The following MTUS1 variants were observed in gnomAD, a reference collection of about 807,000 sequenced individuals.
The protein encoded by MTUS1 is microtubule-associated tumor suppressor 1.
Under a neutral mutation model 120.8 loss-of-function variants are expected in MTUS1, and 109 were observed. The observed-to-expected ratio is 0.90, with a 90% CI of 0.77 to 1.06. MTUS1 has a LOEUF of 1.06. MTUS1 is among the 50% of genes least tolerant of loss of function. The pLI is 0.00. For synonymous variants in MTUS1, 737 were observed against 550.5 expected (o/e 1.34, Z -4.74); for missense variants, 2,210 against 1,486.3 (o/e 1.49, Z -8.01).
At chr8:17,788,353 T>G (rs920730367) in intron 1 of MTUS1, among the ~76,000 whole-genome samples, 3 of 152,228 alleles carry the variant, frequency 2.0e-5, no homozygotes, top group Non-Finnish European at 4.4e-5. Flanking sequence ...CTACAGATTT[T>G]TTCCGCATTC....
intron 13 of MTUS1, among the ~76,000 whole-genome samples, chr8:17,648,891 C>G (rs1806389257): frequency 6.6e-6 from 1 of 152,246 alleles, no homozygotes; most frequent in Admixed American, 6.5e-5. Flanking sequence ...ATCACTTAAG[C>G]TGCCTTGCCA....
rs377134697 is a variant in MTUS1 at position 17,743,584 on chromosome 8, T to C, written c.2287+20A>G. Reference sequence around the variant, plus strand: ...TTACATTCAATTAACTCATAAACTATTGAACTATTTTATTCTTACCAGAAC... The same window carrying C: ...TTACATTCAATTAACTCATAAACTACTGAACTATTTTATTCTTACCAGAAC... On this transcript the variant is annotated intron_variant, in intron 3 of 14. Coordinates refer to ENST00000693296, the MANE Select transcript of MTUS1 (RefSeq NM_001363059.2). The C allele has an allele frequency of 1.2e-5, 19 of 1,599,006 alleles. No individual in the cohort carries two copies. The highest frequency in any genetic ancestry group is 1.5e-5 in the Non-Finnish European group (17 of 1,170,224).
chr8:17,665,347 C>T (rs1810664271), intron 8 of MTUS1, among the ~76,000 whole-genome samples: 1 of 152,206 alleles, frequency 6.6e-6, no homozygotes, highest in East Asian at 1.9e-4. Flanking sequence ...TCAAATCAAT[C>T]CTCCCATAAA....
At chr8:17,800,217 C>T (rs1426258948) in intron 1 of MTUS1, among the ~76,000 whole-genome samples, 1 of 152,092 alleles carries the variant, frequency 6.6e-6, no homozygotes, top group African/African-American at 2.4e-5. Context: ...TCCTGAAATT[C>T]ACTGGTAACA....
chr8:17,777,392 T>C (rs1238122079), intron 1 of MTUS1, among the ~76,000 whole-genome samples: 2 of 147,750 alleles, frequency 1.4e-5, no homozygotes, highest in Non-Finnish European at 3.0e-5. Context: ...TGAGTTGAGA[T>C]CACACCACTG....
chr8:17,655,739 A>G (rs999881035), intron 9 of MTUS1, 124 bp downstream of exon 9: 3 of 846,450 alleles, frequency 3.5e-6, no homozygotes, highest in Non-Finnish European at 5.7e-6. Context: ...TTAAATAAAC[A>G]ACAACAACAT....
intron 4 of MTUS1, 28 bp downstream of exon 4, chr8:17,723,644 C>A: frequency 6.3e-7 from 1 of 1,596,672 alleles, no homozygotes. Context: ...TTCCACAACC[C>A]CCGAAGTGTG....
At chr8:17,704,475 C>G (rs528576724) in intron 6 of MTUS1, among the ~76,000 whole-genome samples, 83 of 152,246 alleles carry the variant, frequency 5.5e-4, no homozygotes, top group African/African-American at 1.8e-3. Context: ...GGTCCAATTT[C>G]ATTATTTTGC....
At chr8:17,760,732 G>A (rs2048976349) in intron 1 of MTUS1, among the ~76,000 whole-genome samples, 1 of 150,672 alleles carries the variant, frequency 6.6e-6, no homozygotes, top group Non-Finnish European at 1.5e-5. Flanking sequence ...CTTCAAAGTT[G>A]CCATCTTAGA....
At chr8:17,737,604 C>A (rs1401380993) in intron 3 of MTUS1, among the ~76,000 whole-genome samples, 1 of 152,216 alleles carries the variant, frequency 6.6e-6, no homozygotes, top group East Asian at 1.9e-4. Flanking sequence ...CCTCCCACCT[C>A]AGCCTCCTGA....
At chr8:17,743,213 T>TA (rs199608019) in intron 3 of MTUS1, among the ~76,000 whole-genome samples, 27 of 150,470 alleles carry the variant, frequency 1.8e-4, no homozygotes, top group African/African-American at 3.2e-4. Context: ...TCAGTAAAAT[T>TA]AAAAAAAAAA....
chr8:17,687,386 C>T (rs1371275573), intron 6 of MTUS1, among the ~76,000 whole-genome samples: 3 of 152,160 alleles, frequency 2.0e-5, no homozygotes, highest in Non-Finnish European at 4.4e-5. Context: ...TCAATACGTA[C>T]TTCACAGTAC....
At chr8:17,671,928 T>G (rs764293517) in intron 8 of MTUS1, among the ~76,000 whole-genome samples, 19 of 152,270 alleles carry the variant, frequency 1.2e-4, no homozygotes, top group Non-Finnish European at 2.2e-4. Flanking sequence ...CATTACTATT[T>G]TATTCAAGCT....
chr8:17,742,902 T>C (rs2047446821), intron 3 of MTUS1, among the ~76,000 whole-genome samples: 1 of 152,184 alleles, frequency 6.6e-6, no homozygotes, highest in African/African-American at 2.4e-5. Context: ...CCCAAGGCTG[T>C]ACCGGCAGAA....
At chr8:17,781,296 T>C (rs60486752) in intron 1 of MTUS1, among the ~76,000 whole-genome samples, 99 of 152,346 alleles carry the variant, frequency 6.5e-4, no homozygotes, top group African/African-American at 2.3e-3. Context: ...CCCATATGAC[T>C]TCAACATACA....
intron 6 of MTUS1, among the ~76,000 whole-genome samples, chr8:17,685,831 G>A (rs1396895835): frequency 6.6e-6 from 1 of 152,156 alleles, no homozygotes; most frequent in Non-Finnish European, 1.5e-5. Context: ...TACTTGATGA[G>A]AGGAAGTATT....
At chr8:17,759,161 A>G (rs529924484) in intron 1 of MTUS1, among the ~76,000 whole-genome samples, 269 of 152,130 alleles carry the variant, frequency 1.8e-3, no homozygotes, top group African/African-American at 6.0e-3. Flanking sequence ...GATTACAGGC[A>G]TGAGCCACCA....
intron 3 of MTUS1, among the ~76,000 whole-genome samples, chr8:17,739,122 G>A (rs1343288284): frequency 6.6e-6 from 1 of 151,956 alleles, no homozygotes; most frequent in East Asian, 1.9e-4. Flanking sequence ...CGGCCTGGAC[G>A]ACAGAGTGAA....
At chr8:17,656,087 G>A in intron 8 of MTUS1, 22 bp from the exon 9 acceptor site, 3 of 1,607,504 alleles carry the variant, frequency 1.9e-6, no homozygotes, top group Non-Finnish European at 1.7e-6. Context: ...GGAGAAAGAA[G>A]AGGGAAGAGG....
Sources: gnomAD v4.1 joint callset for allele counts (sites outside exome capture counted in the v4.1 genomes callset) on GRCh38, gnomAD v4.1.1 for gene constraint, MANE v1.5 for transcripts, NCBI Gene and HGNC (gene_info 2026-07-23, HGNC 2026-07-21) for gene names.